USH2A: variants seen among roughly 807,000 people sequenced by gnomAD.
USH2A encodes the protein Usher syndrome 2A (autosomal recessive, mild).
USH2A carries 443 observed loss-of-function variants against 538.9 expected under a neutral mutation model. The ratio of observed to expected loss-of-function variants is 0.82; its 90% CI spans 0.76 to 0.89. USH2A has a LOEUF of 0.89. Ranked by LOEUF, USH2A falls within the 40% of genes least tolerant of loss-of-function variation. USH2A has a pLI of 0.00. For missense variants in USH2A, 6,633 were observed against 6,324.8 expected, an observed-to-expected ratio of 1.05 and a Z score of -1.65; for synonymous variants, 2,413 against 2,273.5, an observed-to-expected ratio of 1.06 and a Z score of -1.75.
chr1:216,382,472 G>A (rs1022231662), intron 3 of USH2A, among the ~76,000 whole-genome samples: 2 of 152,200 alleles, frequency 1.3e-5, no homozygotes, highest in African/African-American at 4.8e-5. Flanking sequence ...TACAGAACAT[G>A]AGGCTGAACA....
At chr1:216,190,808 A>C (rs949101458) in intron 19 of USH2A, among the ~76,000 whole-genome samples, 1 of 152,012 alleles carries the variant, frequency 6.6e-6, no homozygotes, top group African/African-American at 2.4e-5. Flanking sequence ...GCTATGTTAA[A>C]TCGATACTAT....
At chr1:216,319,242 A>G (rs568981433) in intron 9 of USH2A, among the ~76,000 whole-genome samples, 21 of 152,228 alleles carry the variant, frequency 1.4e-4, no homozygotes, top group Non-Finnish European at 2.8e-4. Flanking sequence ...TAAGGGATCA[A>G]AAGAAGACAG....
rs1205964046 is a variant in USH2A at position 216,247,105 on chromosome 1, A to G, written c.2289T>C (p.Ser763=). 3.7e-6 allele frequency: 6 copies of G among 1,613,978 alleles called. No individual in the cohort carries two copies. Among genetic ancestry groups the G allele is most frequent in the Non-Finnish European group, 3.4e-6 (4 of 1,179,970 alleles). ...CTTCTTTTTTGCACTCACACTGCCC[A>G]GAGTGAGGATTGCAGAATTTGTTCA... ...GSVNKFCNPH[S]GQCECKKEAK... Residue 763 remains serine, a synonymous_variant, in exon 13 of 72, where the codon TCT becomes TCC. Coordinates refer to ENST00000307340, the MANE Select transcript of USH2A (RefSeq NM_206933.4).
intron 60 of USH2A, among the ~76,000 whole-genome samples, chr1:215,729,316 A>G (rs1215685239): frequency 1.3e-5 from 2 of 152,150 alleles, no homozygotes; most frequent in Non-Finnish European, 2.9e-5. Context: ...TTTTAAATTC[A>G]CTTCTTAGAT....
intron 30 of USH2A, among the ~76,000 whole-genome samples, chr1:216,066,396 G>C (rs1294214078): frequency 6.6e-6 from 1 of 152,112 alleles, no homozygotes; most frequent in Non-Finnish European, 1.5e-5. Flanking sequence ...AACCTGGGAG[G>C]CGGAGCTTGC....
chr1:215,963,505 G>A (rs2102452364), intron 37 of USH2A, among the ~76,000 whole-genome samples: 1 of 152,014 alleles, frequency 6.6e-6, no homozygotes, highest in South Asian at 2.1e-4. Context: ...TTTGCTTTTG[G>A]CAATTAACAA....
intron 60 of USH2A, among the ~76,000 whole-genome samples, chr1:215,729,765 G>T (rs945241283): frequency 8.5e-5 from 13 of 152,090 alleles, no homozygotes; most frequent in African/African-American, 3.1e-4. Flanking sequence ...TGAGTAGCTA[G>T]GACTACAGAT....
At chr1:216,324,105 C>A in intron 7 of USH2A, 63 bp downstream of exon 7, 1 of 1,550,438 alleles carries the variant, frequency 6.4e-7, no homozygotes, top group Non-Finnish European at 8.8e-7. Context: ...AGAGAGCTAG[C>A]ATACTTGTAC....
At chr1:215,839,156 C>T (rs1053645598) in intron 46 of USH2A, among the ~76,000 whole-genome samples, 1 of 152,094 alleles carries the variant, frequency 6.6e-6, no homozygotes, top group Non-Finnish European at 1.5e-5. Flanking sequence ...GATATTTAAA[C>T]ACTATCAAGG....
chr1:216,322,023 G>T, intron 8 of USH2A, 47 bp from the exon 9 acceptor site: 1 of 1,566,264 alleles, frequency 6.4e-7, no homozygotes, highest in Non-Finnish European at 8.8e-7. Context: ...CAACTCAACT[G>T]TGAATATATT....
chr1:216,261,675 C>T (rs1228768405), intron 11 of USH2A, among the ~76,000 whole-genome samples: 1 of 151,978 alleles, frequency 6.6e-6, no homozygotes, highest in Non-Finnish European at 1.5e-5. Context: ...GCTGGCAAAC[C>T]AACATGTGCC....
At chr1:216,176,525 A>T (rs922542597) in intron 20 of USH2A, among the ~76,000 whole-genome samples, 2 of 152,180 alleles carry the variant, frequency 1.3e-5, no homozygotes, top group Non-Finnish European at 2.9e-5. Context: ...CAAATGGTTC[A>T]TTTGCTACAG....
intron 13 of USH2A, among the ~76,000 whole-genome samples, chr1:216,242,901 A>C (rs2035965230): frequency 6.6e-6 from 1 of 152,124 alleles, no homozygotes; most frequent in Non-Finnish European, 1.5e-5. Flanking sequence ...ATCAAAATTT[A>C]AGCTCACTGA....
chr1:215,694,783 A>C (rs373909789), intron 61 of USH2A, among the ~76,000 whole-genome samples: 17 of 152,184 alleles, frequency 1.1e-4, no homozygotes, highest in African/African-American at 4.1e-4. Flanking sequence ...CATTGTAAGG[A>C]TTTGGAAAGG....
chr1:215,637,881 T>G (rs1025684865), intron 69 of USH2A, among the ~76,000 whole-genome samples: 12 of 152,142 alleles, frequency 7.9e-5, no homozygotes, highest in African/African-American at 2.7e-4. Flanking sequence ...TTACTGGAAT[T>G]TAAAATAGGA....
chr1:216,422,587 T>G (rs541423605), intron 1 of USH2A, 47 bp from the exon 2 acceptor site: 10 of 482,286 alleles, frequency 2.1e-5, no homozygotes, highest in African/African-American at 2.0e-4. Flanking sequence ...GCTGCACCTT[T>G]AAAACTGAAG....
chr1:216,208,178 CTTTT>C (rs199537810), intron 15 of USH2A, among the ~76,000 whole-genome samples: 1 of 151,714 alleles, frequency 6.6e-6, no homozygotes. Flanking sequence ...AGTGAATTTT[CTTTT>C]TTTTCACCAG....
chr1:215,997,427 A>G (rs1054817504), intron 34 of USH2A, among the ~76,000 whole-genome samples: 11 of 152,106 alleles, frequency 7.2e-5, no homozygotes, highest in Non-Finnish European at 1.0e-4. Flanking sequence ...ATTTAGTTCA[A>G]TGTTCTAATT....
At chr1:215,838,139 AT>A in intron 46 of USH2A, 36 bp from the exon 47 acceptor site, 1 of 1,502,702 alleles carries the variant, frequency 6.7e-7, no homozygotes, top group Non-Finnish European at 9.3e-7. Flanking sequence ...AAATGCAACC[AT>A]TTTTGAAATA....
Sources: gnomAD v4.1 joint callset for allele counts (sites outside exome capture counted in the v4.1 genomes callset) on GRCh38, gnomAD v4.1.1 for gene constraint, MANE v1.5 for transcripts, NCBI Gene and HGNC (gene_info 2026-07-23, HGNC 2026-07-21) for gene names.